Variants in CD1D observed in about 807,000 individuals in gnomAD.
The protein encoded by CD1D is CD1d molecule.
In CD1D, 40 loss-of-function variants were observed where a neutral mutation model predicts 42.1. The ratio of observed to expected loss-of-function variants is 0.95; its 90% CI spans 0.74 to 1.24. CD1D has a LOEUF of 1.24. Ranked by LOEUF, CD1D falls within the 50% of genes most tolerant of loss-of-function variation. The probability of loss-of-function intolerance (pLI) is 0.00; values close to 1 mark genes in which losing one functional copy is unlikely to be tolerated. For synonymous variants in CD1D, 178 were observed against 171.8 expected (o/e 1.04, Z -0.28); for missense variants, 437 against 416.5 (o/e 1.05, Z -0.43).
intron 1 of CD1D, 96 bp from the exon 2 acceptor site, chr1:158,181,359 T>G (rs950106196): frequency 1.3e-6 from 2 of 1,537,284 alleles, no homozygotes; most frequent in South Asian, 1.2e-5. Context: ...AGCCGCCTCC[T>G]GAAGCTCATC....
At chr1:158,181,244 G>C in intron 1 of CD1D, 82 bp downstream of exon 1, 2 of 1,499,232 alleles carry the variant, frequency 1.3e-6, no homozygotes, top group Non-Finnish European at 9.1e-7. Flanking sequence ...GGCAACGCCT[G>C]ATGGGGACTG....
Position 158,183,967 on chromosome 1 carries a change from C to T in CD1D, c.918C>T (p.Ala306=). Residue 306 remains alanine, a synonymous_variant, in exon 5 of 6, where the codon GCC becomes GCT. Transcript: ENST00000674085. ...GGSYTSMGLI[A]LAVLACLLFL... The stretch of plus-strand genomic sequence containing the variant: ...GCTACACCTCCATGGGCTTGATTGC[C>T]TTGGCAGTCCTGGCGTGCTTGCTGT... 1 of 1,614,216 alleles carries T rather than the reference C, an allele frequency of 6.2e-7. No individual in the cohort carries two copies. Among genetic ancestry groups the T allele is most frequent in the African/African-American group, 1.3e-5 (1 of 75,046 alleles).
Position 158,186,232 on chromosome 1 carries a change from T to C in CD1D, c.*2082T>C, listed in dbSNP as rs1465123071. ...CACATTGCCCACCCTCACGTGGCGC[T>C]CTTCAGCTTAGGTTCCTCTAGCAGT... On this transcript the variant is annotated 3_prime_UTR_variant, in exon 6 of 6. Coordinates refer to ENST00000674085, the MANE Select transcript of CD1D (RefSeq NM_001371762.2). Among the ~76,000 whole-genome samples the C allele has an allele frequency of 6.6e-6, 1 of 152,218 alleles. No individual in the cohort carries two copies. Among genetic ancestry groups the C allele is most frequent in the African/African-American group, 2.4e-5 (1 of 41,442 alleles).
upstream of CD1D, among the ~76,000 whole-genome samples, chr1:158,179,460 A>G (rs1441637895): frequency 6.6e-6 from 1 of 152,192 alleles, no homozygotes; most frequent in Non-Finnish European, 1.5e-5. Context: ...GGGAGGAATC[A>G]GATTATGGAG....
In CD1D at chr1:158,183,170, G is replaced by A. The variant is rs775143338; in HGVS notation, c.886+14G>A. 75 of 1,581,932 alleles carry A rather than the reference G, an allele frequency of 4.7e-5. No individual in the cohort carries two copies. The highest frequency in any genetic ancestry group is 6.7e-5 in the African/African-American group (5 of 74,392). On this transcript the variant is annotated intron_variant, in intron 4 of 5. Coordinates refer to ENST00000674085, the MANE Select transcript of CD1D (RefSeq NM_001371762.2). The stretch of plus-strand genomic sequence containing the variant: ...TCCTCTACTGGGGTGAGAAAAAGCT[G>A]GGCCCAAGCTGGAAATGGCAGGAGG...
At position 158,184,129 on chromosome 1, in the gene CD1D, T is replaced by G. The variant is rs1404908572; in HGVS notation, c.987T>G (p.Thr329=). ...TCTTTCCCTTTCTATTCTCTCACAG[T>G]TCCTATCAGGGCGTCCTGTGACTCG... ...VGFTSRFKRQ[T]SYQGVL Residue 329 remains threonine, a splice_region_variant and synonymous_variant, in exon 6 of 6, where the codon ACT becomes ACG. Coordinates refer to ENST00000674085, the MANE Select transcript of CD1D (RefSeq NM_001371762.2). 6.2e-7 allele frequency: 1 copy of G among 1,614,146 alleles called. No individual in the cohort carries two copies. Among genetic ancestry groups the G allele is most frequent in the Admixed American group, 1.7e-5 (1 of 60,026 alleles).
At position 158,181,145 on chromosome 1, in the gene CD1D, CT is replaced by C. The variant is rs1388252086; in HGVS notation, c.46del (p.Trp16GlyfsTer53). 2 of 1,548,984 alleles carry C rather than the reference CT, an allele frequency of 1.3e-6. No individual in the cohort carries two copies. Among genetic ancestry groups the C allele is most frequent in the Non-Finnish European group, 1.7e-6 (2 of 1,146,484 alleles). ...CTGCTGCTCTGGGCGCTCCTCCAGGCTTGGGGAAGCGCTGAAGGTGGGTGGA... is the reference window on the plus strand; with the variant it reads ...CTGCTGCTCTGGGCGCTCCTCCAGGCTGGGGAAGCGCTGAAGGTGGGTGGA... ...LFLLLWALLQ[A>X]WGSAEVPQRL... On this transcript the variant is annotated frameshift_variant, in exon 1 of 6. Coordinates refer to ENST00000674085, the MANE Select transcript of CD1D (RefSeq NM_001371762.2). LOFTEE classifies it high-confidence loss of function.
Position 158,183,071 on chromosome 1 carries a change from G to T in CD1D, c.801G>T (p.Leu267=). Residue 267 remains leucine, a synonymous_variant, in exon 4 of 6, where the codon CTG becomes CTT. Coordinates refer to ENST00000674085, the MANE Select transcript of CD1D (RefSeq NM_001371762.2). ...ADETWYLRAT[L]DVVAGEAAGL... ...AGACATGGTATCTCCGAGCAACCCTGGATGTGGTGGCTGGGGAGGCAGCTG... is the reference window on the plus strand; with the variant it reads ...AGACATGGTATCTCCGAGCAACCCTTGATGTGGTGGCTGGGGAGGCAGCTG... The T allele has an allele frequency of 1.2e-6, 2 of 1,614,190 alleles. No homozygotes were observed. The highest frequency in any genetic ancestry group is 1.7e-6 in the Non-Finnish European group (2 of 1,180,020).
upstream of CD1D, among the ~76,000 whole-genome samples, chr1:158,180,505 G>T (rs1239932792): frequency 6.6e-6 from 1 of 152,186 alleles, no homozygotes. Flanking sequence ...GTAAAGAATT[G>T]TAGCCAACCT....
At chr1:158,179,014 C>CCA (rs3065146), upstream of CD1D, among the ~76,000 whole-genome samples, 19,660 of 151,164 alleles carry the variant, frequency 0.13, 1,675 homozygotes, top group East Asian at 0.43. Context: ...AACAAAAAAA[C>CCA]CACACACACA....
chr1:158,182,138 A>C lies in CD1D; in HGVS notation c.435A>C (p.Gln145His). The C allele has an allele frequency of 6.2e-7, 1 of 1,614,194 alleles. No individual in the cohort carries two copies. Among genetic ancestry groups the C allele is most frequent in the Non-Finnish European group, 8.5e-7 (1 of 1,180,020 alleles). ...AAGGAAAAGATATCCTGAGTTTCCAAGGAACTTCTTGGGAGCCAACCCAAG... is the reference window on the plus strand; with the variant it reads ...AAGGAAAAGATATCCTGAGTTTCCACGGAACTTCTTGGGAGCCAACCCAAG... ...AFQGKDILSF[Q>H]GTSWEPTQEA... The change falls in exon 3 of 6, where the codon CAA becomes CAC. Residue 145 changes from glutamine to histidine, a missense_variant. Coordinates refer to ENST00000674085, the MANE Select transcript of CD1D (RefSeq NM_001371762.2).
At chr1:158,179,237 G>T (rs1209140685), upstream of CD1D, among the ~76,000 whole-genome samples, 4 of 151,952 alleles carry the variant, frequency 2.6e-5, no homozygotes, top group Admixed American at 6.6e-5. Flanking sequence ...AGGCAATTTT[G>T]TATCCAAATT....
In CD1D at chr1:158,183,151, A is replaced by C. The variant is rs142766597; in HGVS notation, c.881A>C (p.Tyr294Ser). Residue 294 changes from tyrosine to serine, a missense_variant, in exon 4 of 6, where the codon TAC (tyrosine) becomes TCC (serine). Tyr to Ser is a moderately radical substitution (Grantham distance 144). Transcript: ENST00000674085. ...CTAGAGGGCCAGGACATCGTCCTCT[A>C]CTGGGGTGAGAAAAAGCTGGGCCCA... Reference protein sequence around the residue: ...SSLEGQDIVLYWGGSYTSMGL... With the variant: ...SSLEGQDIVLSWGGSYTSMGL... 6.3e-7 allele frequency: 1 copy of C among 1,595,794 alleles called. No individual in the cohort carries two copies. The highest frequency in any genetic ancestry group is 8.6e-7 in the Non-Finnish European group (1 of 1,167,516).
At chr1:158,181,752 A>T (rs1399223441) in intron 2 of CD1D, 31 bp downstream of exon 2, 1 of 1,600,342 alleles carries the variant, frequency 6.2e-7, no homozygotes, top group Admixed American at 1.7e-5. Context: ...CTGGGCCGGT[A>T]CCCAAGGGGA....
intron 4 of CD1D, among the ~76,000 whole-genome samples, chr1:158,183,642 G>A (rs918477402): frequency 2.6e-5 from 4 of 152,312 alleles, no homozygotes; most frequent in South Asian, 2.1e-4. Flanking sequence ...TTAACTGCCC[G>A]GAGCCACATA....
At chr1:158,180,816 C>T, upstream of CD1D, 1 of 383,648 alleles carries the variant, frequency 2.6e-6, no homozygotes, top group Non-Finnish European at 4.6e-6. Flanking sequence ...TCCTTTGAAA[C>T]AGGAAATTGA....
Position 158,182,180 on chromosome 1 carries a change from A to T in CD1D, c.477A>T (p.Val159=). The change falls in exon 3 of 6, where the codon GTA becomes GTT. Residue 159 remains valine (V), a synonymous_variant. Coordinates refer to ENST00000674085, the MANE Select transcript of CD1D (RefSeq NM_001371762.2). ...WEPTQEAPLW[V]NLAIQVLNQD... ...CAACCCAAGAGGCCCCACTTTGGGT[A>T]AACTTGGCCATTCAAGTGCTCAACC... 1 of 1,614,214 alleles carries T rather than the reference A, an allele frequency of 6.2e-7. No individual in the cohort carries two copies. Among genetic ancestry groups the T allele is most frequent in the Non-Finnish European group, 8.5e-7 (1 of 1,180,030 alleles).
Position 158,182,330 on chromosome 1 carries a change from T to G in CD1D, c.607+20T>G. The G allele has an allele frequency of 1.2e-6, 2 of 1,613,782 alleles. No individual in the cohort carries two copies. The highest frequency in any genetic ancestry group is 1.7e-6 in the Non-Finnish European group (2 of 1,179,782). On this transcript the variant is annotated intron_variant, in intron 3 of 5. Coordinates refer to ENST00000674085, the MANE Select transcript of CD1D (RefSeq NM_001371762.2). ...AGCAAGGTCAGCCTGCCTTCCTTAC[T>G]CCCTGCATTCCACTTCAGGGCTCCA... is the stretch of plus-strand genomic sequence containing the variant.
chr1:158,181,779 A>G (rs1432650234), intron 2 of CD1D, 58 bp downstream of exon 2: 4 of 1,584,054 alleles, frequency 2.5e-6, no homozygotes, highest in Admixed American at 3.3e-5. Flanking sequence ...GGCCACAGAA[A>G]CTCAACTGGG....
Sources: allele counts gnomAD v4.1 joint callset (sites outside exome capture counted in the v4.1 genomes callset), GRCh38; gene constraint gnomAD v4.1.1; transcripts MANE v1.5; gene names NCBI Gene and HGNC (gene_info 2026-07-23, HGNC 2026-07-21).